Variants in MYOF observed in about 807,000 individuals in gnomAD.
MYOF encodes myoferlin, also known as fer-1-like 3, myoferlin.
Under a neutral mutation model 284.2 loss-of-function variants are expected in MYOF, and 244 were observed. That is an observed-to-expected ratio of 0.86 (90% CI 0.77 to 0.95). MYOF has a LOEUF of 0.95. MYOF is among the 40% of genes least tolerant of loss of function. MYOF has a pLI of 0.00. For synonymous variants in MYOF, 904 were observed against 919.7 expected (o/e 0.98, Z 0.31); for missense variants, 2,496 against 2,560.6 (o/e 0.97, Z 0.54).
At chr10:93,317,561 T>C (rs552347106) in intron 49 of MYOF, among the ~76,000 whole-genome samples, 2 of 152,002 alleles carry the variant, frequency 1.3e-5, no homozygotes, top group African/African-American at 2.4e-5. Context: ...CACTCAAACC[T>C]GGGAGGTGGA....
chr10:93,377,441 GA>G lies in MYOF; in HGVS notation c.2002-13del. On this transcript the variant is annotated splice_polypyrimidine_tract_variant and intron_variant, in intron 21 of 53. Coordinates refer to ENST00000359263, the MANE Select transcript of MYOF (RefSeq NM_013451.4). ...TCTATATTTGTTTGCTGAAGAATTTGAAAAGAGAGGAAATAATTGATAATTG... is the reference window on the plus strand; with the variant it reads ...TCTATATTTGTTTGCTGAAGAATTTGAAAGAGAGGAAATAATTGATAATTG... The G allele has an allele frequency of 1.3e-6, 2 of 1,552,324 alleles. No homozygotes were observed. The highest frequency in any genetic ancestry group is 1.8e-6 in the Non-Finnish European group (2 of 1,124,470).
At chr10:93,316,888 TG>T in intron 49 of MYOF, 75 bp from the exon 50 acceptor site, 1 of 1,253,748 alleles carries the variant, frequency 8.0e-7, no homozygotes, top group Non-Finnish European at 1.2e-6. Flanking sequence ...CATCAAAGCC[TG>T]GGGCCTTTCT....
At chr10:93,396,370 A>C in intron 15 of MYOF, 146 bp from the exon 16 acceptor site, 1 of 559,278 alleles carries the variant, frequency 1.8e-6, no homozygotes, top group Non-Finnish European at 3.0e-6. Context: ...AGTGGGCCTC[A>C]AACTTTATTG....
At position 93,402,902 on chromosome 10, in the gene MYOF, A is replaced by G. The variant is rs1239465457; in HGVS notation, c.844-12T>C. On this transcript the variant is annotated splice_polypyrimidine_tract_variant and intron_variant, in intron 9 of 53. Coordinates refer to ENST00000359263, the MANE Select transcript of MYOF (RefSeq NM_013451.4). ...AATCCAACATCAATCTGGGAAAACA[A>G]TAATCGAAAGTAGTCTAAGTAGATT... is the stretch of plus-strand genomic sequence containing the variant. The G allele has an allele frequency of 1.2e-6, 2 of 1,608,896 alleles. No homozygotes were observed. Among genetic ancestry groups the G allele is most frequent in the East Asian group, 4.5e-5 (2 of 44,808 alleles).
chr10:93,349,870 C>T lies in MYOF; in HGVS notation c.4021G>A (p.Val1341Met), dbSNP rs750536272. ...GTCTTCTTAAGGTTTTTGATCACCA[C>T]CGATTCCACCCTTTCTCCTCCACAC... ...VECGGERVES[V>M]VIKNLKKTPN... The change falls in exon 36 of 54, where the codon GTG becomes ATG. Residue 1341 changes from valine (V) to methionine (M), a missense_variant. This residue lies in a region of MYOF where 2,436 missense variants were observed against 2,480.7 expected (regional missense o/e 0.98). Transcript: ENST00000359263. 2 of 1,613,922 alleles carry T rather than the reference C, an allele frequency of 1.2e-6. No individual in the cohort carries two copies. The highest frequency in any genetic ancestry group is 1.3e-5 in the African/African-American group (1 of 74,848).
rs1844820650 is a variant in MYOF, at chr10:93,356,689, G to T, written c.3280C>A (p.Leu1094Ile). 6.2e-7 allele frequency: 1 copy of T among 1,612,982 alleles called. No homozygotes were observed. The highest frequency in any genetic ancestry group is 1.3e-5 in the African/African-American group (1 of 74,810). Residue 1094 changes from leucine (L) to isoleucine (I), a missense_variant, in exon 30 of 54, where the codon CTT (leucine) becomes ATT (isoleucine). Leu to Ile is a conservative substitution (Grantham distance 5). Transcript: ENST00000359263. ...CTAGTACTTACAAGGGCACCTTCAA[G>T]TTTAAAGATGGCAGCTGCACCATGT... ...ETHGAAAIFK[L>I]EGALGADTTE... is the part of the protein sequence containing the mutation.
At chr10:93,400,600 T>A (rs374473494) in intron 12 of MYOF, among the ~76,000 whole-genome samples, 2 of 151,366 alleles carry the variant, frequency 1.3e-5, no homozygotes, top group Non-Finnish European at 2.9e-5. Flanking sequence ...ATGGCCTGTA[T>A]AGTGAGTGCA....
intron 28 of MYOF, 41 bp downstream of exon 28, chr10:93,361,411 T>G: frequency 6.3e-7 from 1 of 1,592,950 alleles, no homozygotes; most frequent in Non-Finnish European, 8.6e-7. Flanking sequence ...ACCAAGGCCC[T>G]GCTGCAGAGC....
In MYOF at chr10:93,355,705, T is replaced by G; in HGVS notation, c.3326A>C (p.Lys1109Thr). 1 of 1,613,238 alleles carries G rather than the reference T, an allele frequency of 6.2e-7. No homozygotes were observed. Among genetic ancestry groups the G allele is most frequent in the South Asian group, 1.1e-5 (1 of 91,012 alleles). The change falls in exon 31 of 54, where the codon AAG (lysine) becomes ACG (threonine). Residue 1109 changes from lysine to threonine, a missense_variant. By Grantham distance (78) the Lys-to-Thr change is moderately conservative. Coordinates refer to ENST00000359263, the MANE Select transcript of MYOF (RefSeq NM_013451.4). ...GADTTEDGDE[K>T]SLEKQKHSAT... is the part of the protein sequence containing the mutation. ...ACTGTGCTTCTGTTTCTCCAGGCTC[T>G]TCTCATCCCCATCTTCGGTAGTGTC...
At chr10:93,345,002 C>A (rs565777582) in intron 37 of MYOF, among the ~76,000 whole-genome samples, 224 of 152,196 alleles carry the variant, frequency 1.5e-3, no homozygotes, top group Non-Finnish European at 2.1e-3. Context: ...AAAGCCTCAC[C>A]CTGGGGCGGG....
intron 5 of MYOF, among the ~76,000 whole-genome samples, chr10:93,424,164 AG>A (rs2134184274): frequency 6.6e-6 from 1 of 152,358 alleles, no homozygotes; most frequent in African/African-American, 2.4e-5. Flanking sequence ...GCGGTAGTTT[AG>A]GACAGCAGAC....
chr10:93,372,906 A>T, intron 24 of MYOF, 24 bp downstream of exon 24: 2 of 1,613,776 alleles, frequency 1.2e-6, no homozygotes, highest in Non-Finnish European at 1.7e-6. Flanking sequence ...AGTGTGTTTC[A>T]CATGACACAG....
intron 46 of MYOF, among the ~76,000 whole-genome samples, chr10:93,325,144 A>G (rs370733989): frequency 1.3e-5 from 2 of 152,272 alleles, no homozygotes; most frequent in African/African-American, 4.8e-5. Flanking sequence ...AGATTCCTGG[A>G]CCCACCCTAG....
chr10:93,356,495 A>G (rs974583687), intron 30 of MYOF, among the ~76,000 whole-genome samples, 180 bp downstream of exon 30: 3 of 152,086 alleles, frequency 2.0e-5, no homozygotes, highest in Admixed American at 6.5e-5. Context: ...TTAATGGTCT[A>G]TTCGTTCTAC....
intron 2 of MYOF, 60 bp downstream of exon 2, chr10:93,456,822 G>T: frequency 7.7e-7 from 1 of 1,292,624 alleles, no homozygotes; most frequent in Non-Finnish European, 1.1e-6. Flanking sequence ...CTCACCCAAA[G>T]ATAGGACAAT....
intron 40 of MYOF, among the ~76,000 whole-genome samples, chr10:93,336,271 G>C (rs1843603355): frequency 6.6e-6 from 1 of 152,130 alleles, no homozygotes; most frequent in Non-Finnish European, 1.5e-5. Flanking sequence ...TGCATTCCTA[G>C]GCATTTACTG....
intron 48 of MYOF, among the ~76,000 whole-genome samples, chr10:93,320,344 T>TA (rs200681110): frequency 0.045 from 6,859 of 152,276 alleles, 538 homozygotes; most frequent in African/African-American, 0.16. Flanking sequence ...GGCTATGACT[T>TA]TAGTCCTCAC....
At chr10:93,325,643 T>G (rs185464604) in intron 46 of MYOF, among the ~76,000 whole-genome samples, 183 bp downstream of exon 46, 2 of 152,244 alleles carry the variant, frequency 1.3e-5, no homozygotes, top group East Asian at 3.9e-4. Flanking sequence ...CTATCTAGAT[T>G]TAGAGAGTTA....
intron 12 of MYOF, 145 bp from the exon 13 acceptor site, chr10:93,399,640 A>G (rs563083865): frequency 6.6e-6 from 4 of 603,360 alleles, no homozygotes; most frequent in African/African-American, 5.6e-5. Flanking sequence ...TTGAGAGGCC[A>G]AGGCTGGTGG....
Sources: gnomAD v4.1 joint callset for allele counts (sites outside exome capture counted in the v4.1 genomes callset) on GRCh38, gnomAD v4.1.1 for gene constraint, gnomAD v4.1.1 regional missense constraint, MANE v1.5 for transcripts, NCBI Gene and HGNC (gene_info 2026-07-23, HGNC 2026-07-21) for gene names.